The following TSPAN10 variants were observed in gnomAD, a reference collection of about 807,000 sequenced individuals.
TSPAN10 encodes the protein tetraspanin-10.
A neutral mutation model predicts 15.0 loss-of-function variants in TSPAN10; 11 were observed. That is an observed-to-expected ratio of 0.73 (90% CI 0.46 to 1.21). The LOEUF is 1.21. Ranked by LOEUF, TSPAN10 falls within the 50% of genes most tolerant of loss-of-function variation. The pLI is 0.00. For synonymous variants in TSPAN10, 241 were observed against 226.2 expected (o/e 1.07, Z -0.59); for missense variants, 486 against 470.6 (o/e 1.03, Z -0.30).
rs1343002268 is a variant in TSPAN10 at position 81,643,420 on chromosome 17, G to A, written c.36+972G>A. Among the ~76,000 whole-genome samples, 13 of 44,458 alleles carry A rather than the reference G, an allele frequency of 2.9e-4. 4 individuals are homozygous for A. Among genetic ancestry groups the A allele is most frequent in the Non-Finnish European group, 4.0e-4 (11 of 27,404 alleles). 29.2% of individuals were successfully genotyped at this position (44,458 alleles called of 152,430 possible). Reference sequence around the variant, plus strand: ...AGGTTAGGAGATCGAGACCATCCCGGCTAAAACGGTGAAACCCTGTCTCTA... The same window carrying A: ...AGGTTAGGAGATCGAGACCATCCCGACTAAAACGGTGAAACCCTGTCTCTA... On this transcript the variant is annotated intron_variant, in intron 1 of 2. Transcript: ENST00000611590.
At chr17:81,647,025 G>A (rs1175910451) in intron 2 of TSPAN10, among the ~76,000 whole-genome samples, 1 of 152,090 alleles carries the variant, frequency 6.6e-6, no homozygotes, top group African/African-American at 2.4e-5. Context: ...TATGCACTCT[G>A]TCTCCCAAGC....
At chr17:81,637,200 C>CCGCCAT in exon 1 of TSPAN10, 1 of 466,994 alleles carries the variant, frequency 2.1e-6, no homozygotes, top group East Asian at 3.4e-5. Flanking sequence ...TGACCCGCCC[C>CCGCCAT]CGCCATCCCT....
chr17:81,639,804 C>G (rs1331639316), upstream of TSPAN10, among the ~76,000 whole-genome samples: 3 of 151,416 alleles, frequency 2.0e-5, no homozygotes, highest in Non-Finnish European at 4.4e-5. Flanking sequence ...TGGTGAAACC[C>G]TGTCTCTATT....
upstream of TSPAN10, among the ~76,000 whole-genome samples, chr17:81,641,172 A>C (rs78962084): frequency 6.6e-6 from 1 of 151,968 alleles, no homozygotes; most frequent in Non-Finnish European, 1.5e-5. Flanking sequence ...TCTCAAAAAA[A>C]AAAAGGTTAC....
intron 2 of TSPAN10, chr17:81,645,848 G>C (rs774688431): frequency 6.2e-6 from 4 of 643,540 alleles, no homozygotes; most frequent in Non-Finnish European, 1.1e-5. Flanking sequence ...CCTCTACACT[G>C]ACATGAACAT....
chr17:81,637,671 C>T (rs562586560), upstream of TSPAN10: 67 of 322,696 alleles, frequency 2.1e-4, no homozygotes, highest in Admixed American at 1.3e-3. Context: ...CGGTGGCTCA[C>T]GCCTGTAATC....
chr17:81,645,164 C>G, exon 2 of TSPAN10: 1 of 1,557,898 alleles, frequency 6.4e-7, no homozygotes, highest in South Asian at 1.2e-5. Context: ...CCTTCCCTCT[C>G]CCCAGGGAGC....
At chr17:81,642,512 G>A (rs2144376603) in intron 1 of TSPAN10, 64 bp downstream of exon 2, 1 of 1,532,896 alleles carries the variant, frequency 6.5e-7, no homozygotes, top group African/African-American at 1.4e-5. Context: ...AGTCCTAAGG[G>A]AAGTCCCTGG....
chr17:81,639,405 A>C (rs1384272390), upstream of TSPAN10, among the ~76,000 whole-genome samples: 1 of 151,024 alleles, frequency 6.6e-6, no homozygotes, highest in Non-Finnish European at 1.5e-5. Context: ...ACAGGGTTTC[A>C]CCATGTTGGT....
upstream of TSPAN10, among the ~76,000 whole-genome samples, chr17:81,641,468 C>T (rs1429857783): frequency 6.6e-6 from 1 of 152,038 alleles, no homozygotes; most frequent in Non-Finnish European, 1.5e-5. Flanking sequence ...CCCATCTCCG[C>T]TTGCCCCACA....
upstream of TSPAN10, among the ~76,000 whole-genome samples, chr17:81,640,962 C>A (rs2036172617): frequency 6.6e-6 from 1 of 151,984 alleles, no homozygotes; most frequent in Admixed American, 6.6e-5. Flanking sequence ...CACTTGAGGT[C>A]AGGAGGTCGA....
chr17:81,644,638 G>A (rs2036218815), intron 1 of TSPAN10, among the ~76,000 whole-genome samples: 1 of 152,208 alleles, frequency 6.6e-6, no homozygotes, highest in Non-Finnish European at 1.5e-5. Flanking sequence ...CCTGACCCGG[G>A]GAGGCCGCAG....
chr17:81,647,734 G>A (rs1474635578), intron 2 of TSPAN10, 167 bp from the exon 4 acceptor site: 3 of 696,448 alleles, frequency 4.3e-6, no homozygotes, highest in African/African-American at 3.6e-5. Context: ...GGTGCTGTGT[G>A]TGTCCGTGTG....
downstream of TSPAN10, chr17:81,648,333 T>C: frequency 8.3e-7 from 1 of 1,199,436 alleles, no homozygotes; most frequent in Non-Finnish European, 1.0e-6. Flanking sequence ...CGCACAGGGA[T>C]ACAGGGGGCG....
chr17:81,637,215 CT>C (rs958117876), exon 1 of TSPAN10: 24 of 472,722 alleles, frequency 5.1e-5, no homozygotes, highest in African/African-American at 4.8e-4. Context: ...ATCCCTGCAA[CT>C]GGAGGAGGGG....
At chr17:81,648,478 C>A, downstream of TSPAN10, 1 of 544,162 alleles carries the variant, frequency 1.8e-6, no homozygotes, top group Non-Finnish European at 2.6e-6. Context: ...CAGCCCCCAA[C>A]GCAGGGCGCC....
chr17:81,637,407 G>A lies in TSPAN10; in HGVS notation c.8+1G>A, dbSNP rs1237734490. 37 of 700,114 alleles carry A rather than the reference G, an allele frequency of 5.3e-5. No individual in the cohort carries two copies. The highest frequency in any genetic ancestry group is 2.3e-4 in the Middle Eastern group (1 of 4,376). 43.4% of individuals were successfully genotyped at this position (700,114 alleles called of 1,614,324 possible). The stretch of plus-strand genomic sequence containing the variant: ...ATTCCAAACTTCTCTCCATGCACAG[G>A]TAAGTAGAGAAACAATTTCAGGAAG... On this transcript the variant is annotated splice_donor_variant, in intron 1 of 3. Transcript: ENST00000574882. LOFTEE classifies it high-confidence loss of function.
rs1007750880 is a variant in TSPAN10, at chr17:81,645,815, G to C, written c.674+186G>C. ...CGTCTCGTGCTCACAGGTTTCACGT[G>C]TGTGGACACACACCTACACACTCCT... On this transcript the variant is annotated intron_variant, in intron 2 of 2. Transcript: ENST00000611590. 6.5e-6 allele frequency: 5 copies of C among 765,388 alleles called. No individual in the cohort carries two copies. The African/African-American group carries it at 8.7e-5, about 13-fold the overall frequency. The allele number at this position is 765,388 out of a possible 1,614,324, so 47.4% of individuals were successfully genotyped here.
chr17:81,646,908 G>A (rs9902497), intron 2 of TSPAN10, among the ~76,000 whole-genome samples: 23 of 151,606 alleles, frequency 1.5e-4, no homozygotes, highest in Admixed American at 3.9e-4. Flanking sequence ...GCAGTGGCTC[G>A]ATCTCGGCTC....
Sources: gnomAD v4.1 joint callset for allele counts (sites outside exome capture counted in the v4.1 genomes callset) on GRCh38, gnomAD v4.1.1 for gene constraint, MANE v1.5 for transcripts, NCBI Gene and HGNC (gene_info 2026-07-23, HGNC 2026-07-21) for gene names.